The following IPCEF1 variants were observed in gnomAD, a reference collection of about 807,000 sequenced individuals.
IPCEF1 encodes the protein interactor protein for cytohesin exchange factors 1.
A neutral mutation model predicts 50.9 loss-of-function variants in IPCEF1; 31 were observed. That is an observed-to-expected ratio of 0.61 (90% confidence interval 0.46 to 0.82). The LOEUF (loss-of-function observed/expected upper bound fraction) is 0.82. Among genes scored for constraint, IPCEF1 ranks in the 40% least tolerant of loss-of-function variants. The pLI, the probability that IPCEF1 is intolerant of heterozygous loss-of-function variation, is 0.00. For synonymous variants in IPCEF1, 181 were observed against 192.0 expected, an observed-to-expected ratio of 0.94 and a Z score of 0.47; for missense variants, 458 against 514.0, an observed-to-expected ratio of 0.89 and a Z score of 1.05.
At chr6:154,246,935 C>CAAAAAAAAAAAAAAAAA (rs10543127) in intron 4 of IPCEF1, 175 bp from the exon 5 acceptor site, 2 of 238,150 alleles carry the variant, frequency 8.4e-6, no homozygotes, top group African/African-American at 2.8e-5. Context: ...AAAACCAATG[C>CAAAAAAAAAAAAAAAAA]AAAAAAAAAA....
chr6:154,260,663 G>T (rs1241621535), intron 3 of IPCEF1, among the ~76,000 whole-genome samples: 1 of 151,966 alleles, frequency 6.6e-6, no homozygotes, highest in Admixed American at 6.6e-5. Context: ...AGTAGAGACG[G>T]GGTTTCATCA....
chr6:154,231,163 CAG>C (rs1396710051), intron 5 of IPCEF1, among the ~76,000 whole-genome samples: 1 of 152,232 alleles, frequency 6.6e-6, no homozygotes, highest in Non-Finnish European at 1.5e-5. Flanking sequence ...ACACTACACA[CAG>C]ACTCATGACC....
intron 1 of IPCEF1, among the ~76,000 whole-genome samples, chr6:154,296,158 C>A (rs1324002461): frequency 3.9e-5 from 6 of 152,092 alleles, no homozygotes; most frequent in African/African-American, 1.4e-4. Context: ...AAGAAAGGAA[C>A]AAAACAGGAA....
intron 5 of IPCEF1, among the ~76,000 whole-genome samples, chr6:154,238,548 G>A (rs1342937950): frequency 1.3e-5 from 2 of 152,176 alleles, no homozygotes; most frequent in African/African-American, 4.8e-5. Context: ...TCATAGGCAT[G>A]AGCCACTACA....
intron 2 of IPCEF1, among the ~76,000 whole-genome samples, chr6:154,266,344 C>T (rs1159039872): frequency 6.6e-6 from 1 of 151,902 alleles, no homozygotes; most frequent in Non-Finnish European, 1.5e-5. Flanking sequence ...ATAATGGCAC[C>T]ACTGCACTCC....
chr6:154,309,062 C>A (rs1339358031), intron 1 of IPCEF1, among the ~76,000 whole-genome samples: 1 of 151,972 alleles, frequency 6.6e-6, no homozygotes, highest in Non-Finnish European at 1.5e-5. Context: ...TGTAAAGAGA[C>A]ATGGAGAAGG....
At chr6:154,336,739 G>A (rs1783795177) in intron 1 of IPCEF1, among the ~76,000 whole-genome samples, 1 of 152,102 alleles carries the variant, frequency 6.6e-6, no homozygotes, top group South Asian at 2.1e-4. Flanking sequence ...AGGTAACTGG[G>A]ACTACAAGCA....
intron 3 of IPCEF1, among the ~76,000 whole-genome samples, chr6:154,261,363 T>C (rs1303306815): frequency 6.6e-6 from 1 of 152,128 alleles, no homozygotes; most frequent in Non-Finnish European, 1.5e-5. Flanking sequence ...CAATGGGACA[T>C]TGAACCAATG....
chr6:154,240,306 G>C (rs1035534745), intron 5 of IPCEF1, among the ~76,000 whole-genome samples: 1 of 152,242 alleles, frequency 6.6e-6, no homozygotes, highest in African/African-American at 2.4e-5. Context: ...TAAAGAATAC[G>C]TCCTCTGCTG....
In IPCEF1 at chr6:154,168,716, C is replaced by T. The variant is rs1799632594; in HGVS notation, c.911-603G>A. 1.3e-5 allele frequency among the ~76,000 whole-genome samples: 2 copies of T among 152,154 alleles called. No homozygotes were observed. Among genetic ancestry groups the T allele is most frequent in the South Asian group, 4.2e-4 (2 of 4,812 alleles). ...CACCTCCCAGGTTCAAGTGATTCTC[C>T]TGTCTCAGCCTCCCAAGTAGCTGGG... On this transcript the variant is annotated intron_variant, in intron 10 of 11. Coordinates refer to ENST00000367220, the MANE Select transcript of IPCEF1 (RefSeq NM_001130700.2). The surrounding 1 kb of genome is among the most constrained non-coding windows in gnomAD (Gnocchi z 4.1).
chr6:154,217,477 G>A (rs1309285378), intron 7 of IPCEF1: 1 of 150,018 alleles, frequency 6.7e-6, no homozygotes, highest in Non-Finnish European at 1.5e-5. Flanking sequence ...AGAAACAAAA[G>A]CTCATGGCAC....
intron 3 of IPCEF1, among the ~76,000 whole-genome samples, chr6:154,252,714 T>C (rs1156974744): frequency 6.6e-6 from 1 of 152,026 alleles, no homozygotes; most frequent in Admixed American, 6.6e-5. Context: ...GAAGGATGGA[T>C]TCACTAGAGA....
At chr6:154,217,198 AT>A in intron 7 of IPCEF1, 1 of 164,120 alleles carries the variant, frequency 6.1e-6, no homozygotes, top group East Asian at 1.6e-4. Context: ...AGAATGCTGC[AT>A]TTTTCCTGCA....
intron 1 of IPCEF1, among the ~76,000 whole-genome samples, chr6:154,354,416 C>T (rs927846191): frequency 6.7e-6 from 1 of 148,840 alleles, no homozygotes; most frequent in Admixed American, 6.7e-5. Context: ...TCCACCACCA[C>T]CTCCACCACC....
intron 10 of IPCEF1, among the ~76,000 whole-genome samples, chr6:154,196,014 A>T (rs2128587444): frequency 6.6e-6 from 1 of 150,500 alleles, no homozygotes; most frequent in East Asian, 2.0e-4. Context: ...CTGGTCTCGA[A>T]CTCCTGACCT....
At chr6:154,301,896 A>G (rs1415673375) in intron 1 of IPCEF1, among the ~76,000 whole-genome samples, 2 of 152,244 alleles carry the variant, frequency 1.3e-5, no homozygotes, top group Non-Finnish European at 2.9e-5. Context: ...CTAGATTCTA[A>G]TTGAAGGCTT....
rs940642565 is a variant in IPCEF1 at position 154,197,574 on chromosome 6, A to G, written c.910+2094T>C. 3.8e-4 allele frequency among the ~76,000 whole-genome samples: 58 copies of G among 152,372 alleles called. 1 individual carries two copies. The highest frequency in any genetic ancestry group is 5.1e-4 in the Non-Finnish European group (35 of 68,032). On this transcript the variant is annotated intron_variant, in intron 10 of 11. Transcript: ENST00000367220. ...ATACAGATTTTGCTGGTCACTCTGC[A>G]TGTAACTCAAAACTAAATAATACCA...
intron 6 of IPCEF1, chr6:154,222,879 CCCTG>C (rs1778976300): frequency 2.5e-6 from 1 of 399,854 alleles, no homozygotes; most frequent in East Asian, 4.4e-5. Context: ...CATCTGACCT[CCCTG>C]CCAGTCCTGG....
At chr6:154,246,979 A>G (rs1025489229) in intron 4 of IPCEF1, 4 of 512,876 alleles carry the variant, frequency 7.8e-6, no homozygotes, top group Non-Finnish European at 1.3e-5. Flanking sequence ...ATTTTTAAAC[A>G]TTTGTTTCAT....
Sources: allele counts gnomAD v4.1 joint callset (sites outside exome capture counted in the v4.1 genomes callset), GRCh38; gene constraint gnomAD v4.1.1; non-coding constraint Gnocchi (gnomAD v3.1); transcripts MANE v1.5; gene names NCBI Gene and HGNC (gene_info 2026-07-23, HGNC 2026-07-21).